ATP8B2: variants seen among roughly 807,000 people sequenced by gnomAD.
The protein encoded by ATP8B2 is ATPase phospholipid transporting 8B2, also known as phospholipid-transporting ATPase ID.
In ATP8B2, 70 loss-of-function variants were observed where a neutral mutation model predicts 133.4. That is an observed-to-expected ratio of 0.52 (90% CI 0.43 to 0.64). ATP8B2 has a LOEUF of 0.64. Among genes scored for constraint, ATP8B2 ranks in the 30% least tolerant of loss-of-function variants. The pLI, the probability that ATP8B2 is intolerant of heterozygous loss-of-function variation, is 0.00. For missense variants in ATP8B2, 1,101 were observed against 1,535.7 expected, an observed-to-expected ratio of 0.72 and a Z score of 4.73; for synonymous variants, 517 against 589.5, an observed-to-expected ratio of 0.88 and a Z score of 1.78.
intron 11 of ATP8B2, among the ~76,000 whole-genome samples, chr1:154,335,603 G>C (rs1686150909): frequency 6.6e-6 from 1 of 152,014 alleles, no homozygotes; most frequent in Admixed American, 6.5e-5. Context: ...GAGGCGGGGG[G>C]ATTGCTTGGC....
chr1:154,345,219 C>G lies in ATP8B2; in HGVS notation c.2470+65C>G, dbSNP rs761721623. 4 of 1,601,362 alleles carry G rather than the reference C, an allele frequency of 2.5e-6. No individual in the cohort carries two copies. In the Admixed American group the frequency reaches 6.8e-5, roughly 27 times the overall value. On this transcript the variant is annotated intron_variant, in intron 22 of 27. Transcript: ENST00000368489. The surrounding 1 kb of genome is among the most constrained non-coding windows in gnomAD (Gnocchi z 5.6). ...GCTGGGGAGGGGCCCACTGAGGTCT[C>G]TGGACTGCAGAAGAATGACGGGAAG...
At chr1:154,332,569 A>T in intron 8 of ATP8B2, 49 bp from the exon 9 acceptor site, 2 of 1,447,280 alleles carry the variant, frequency 1.4e-6, no homozygotes, top group Non-Finnish European at 1.9e-6. Flanking sequence ...GAAAAAAAAC[A>T]TTTAGAGGAT....
At chr1:154,347,213 G>A (rs11809740) in intron 26 of ATP8B2, among the ~76,000 whole-genome samples, 35,402 of 152,076 alleles carry the variant, frequency 0.23, 4,258 homozygotes, top group Non-Finnish European at 0.25. Context: ...CTGAATAAAG[G>A]GAAAGGGAGC....
intron 8 of ATP8B2, 68 bp from the exon 9 acceptor site, chr1:154,332,550 C>T (rs2149162199): frequency 1.6e-6 from 2 of 1,276,196 alleles, no homozygotes; most frequent in Non-Finnish European, 2.2e-6. Flanking sequence ...AGAGCGAGAC[C>T]CCATCTGTGA....
In ATP8B2 at chr1:154,348,556, C is replaced by T. The variant is rs1299724300; in HGVS notation, c.3294+18C>T. On this transcript the variant is annotated intron_variant, in intron 27 of 27. Coordinates refer to ENST00000368489, the MANE Select transcript of ATP8B2 (RefSeq NM_001370597.1). ...CCGACACGGTGAGAAGCCAGGCTAC[C>T]TGCTGTGGGAGGCAGAGATGGGGTG... The T allele has an allele frequency of 6.2e-7, 1 of 1,612,018 alleles. No homozygotes were observed. Among genetic ancestry groups the T allele is most frequent in the South Asian group, 1.1e-5 (1 of 90,998 alleles).
In ATP8B2 at chr1:154,332,034, A is replaced by G. The variant is rs1686012681; in HGVS notation, c.509+10A>G. On this transcript the variant is annotated intron_variant, in intron 8 of 27. Transcript: ENST00000368489. ...CAGCAGAACTTGATGGGTAAGTGGC[A>G]TGCTCAGTGTCAGCCCTCTCCTTCT... 5.6e-6 allele frequency: 9 copies of G among 1,610,834 alleles called. No individual in the cohort carries two copies. The highest frequency in any genetic ancestry group is 7.6e-6 in the Non-Finnish European group (9 of 1,177,078).
chr1:154,345,755 A>G lies in ATP8B2; in HGVS notation c.2695-45A>G. The G allele has an allele frequency of 6.5e-7, 1 of 1,532,404 alleles. No individual in the cohort carries two copies. The highest frequency in any genetic ancestry group is 1.1e-5 in the South Asian group (1 of 89,196). 94.9% of individuals were successfully genotyped at this position (1,532,404 alleles called of 1,614,324 possible). ...AGCTGTCTTCCTGTGCCTGATGTGT[A>G]GCAAAGAAAGGTTGCATGCTCCCTT... On this transcript the variant is annotated intron_variant, in intron 23 of 27. Transcript: ENST00000368489. The surrounding 1 kb of genome is among the most constrained non-coding windows in gnomAD (Gnocchi z 5.6).
Position 154,340,818 on chromosome 1 carries a change from T to TCCCGACC in ATP8B2, c.1035-34_1035-28dup. Reference sequence around the variant, plus strand: ...ATGTGGGTGGGGCACCTCCTCTTCTTCCCGACCCAAGCCTCACCTCTTGTC... The same window carrying TCCCGACC: ...ATGTGGGTGGGGCACCTCCTCTTCTTCCCGACCCCCGACCCAAGCCTCACCTCTTGTC... On this transcript the variant is annotated intron_variant, in intron 12 of 27. Transcript: ENST00000368489. This position sits in a 1 kb window ranked among gnomAD's most constrained non-coding sequence, Gnocchi z 4.0. The TCCCGACC allele has an allele frequency of 6.2e-7, 1 of 1,606,396 alleles. No individual in the cohort carries two copies. Among genetic ancestry groups the TCCCGACC allele is most frequent in the Non-Finnish European group, 8.5e-7 (1 of 1,173,836 alleles).
At chr1:154,335,737 A>T (rs1053630249) in intron 11 of ATP8B2, among the ~76,000 whole-genome samples, 2 of 98,416 alleles carry the variant, frequency 2.0e-5, no homozygotes, top group African/African-American at 4.1e-5. Context: ...TCCCAAGTTT[A>T]AAAAAAAAAA....
intron 11 of ATP8B2, among the ~76,000 whole-genome samples, chr1:154,336,041 C>CAAA (rs34783907): frequency 1.0e-5 from 1 of 96,586 alleles, no homozygotes; most frequent in Non-Finnish European, 2.2e-5. Context: ...GGCTCCATCT[C>CAAA]AAAAAAAAAA....
chr1:154,333,030 G>T (rs931319929), intron 9 of ATP8B2, among the ~76,000 whole-genome samples: 10 of 152,108 alleles, frequency 6.6e-5, no homozygotes, highest in Non-Finnish European at 8.8e-5. Context: ...GTGAATAGAG[G>T]TCGGTACCAT....
chr1:154,329,377 G>A (rs1685905689), intron 2 of ATP8B2, among the ~76,000 whole-genome samples: 1 of 152,182 alleles, frequency 6.6e-6, no homozygotes, highest in East Asian at 1.9e-4. Flanking sequence ...GTCCTGGGGT[G>A]TGTAGAAAGG....
In ATP8B2 at chr1:154,328,795, G is replaced by C. The variant is rs1558267033; in HGVS notation, c.31+623G>C. ...CATGGGGGGCGGCGGCGGCGGCGCA[G>C]CTGAGCTCGCGGTGTCCCCGAGCGC... is the stretch of plus-strand genomic sequence containing the variant. On this transcript the variant is annotated intron_variant, in intron 2 of 27. Coordinates refer to ENST00000368489, the MANE Select transcript of ATP8B2 (RefSeq NM_001370597.1). This position sits in a 1 kb window ranked among gnomAD's most constrained non-coding sequence, Gnocchi z 4.6. The C allele has an allele frequency of 9.9e-7, 1 of 1,014,644 alleles. No individual in the cohort carries two copies. The highest frequency in any genetic ancestry group is 1.2e-6 in the Non-Finnish European group (1 of 850,590). The allele number at this position is 1,014,644 out of a possible 1,614,324, so 62.9% of individuals were successfully genotyped here. A position where few individuals can be genotyped will look rare whatever the true frequency, so the allele number is the denominator to read the frequency against.
intron 12 of ATP8B2, chr1:154,338,834 A>T (rs151310652): frequency 1.3e-5 from 2 of 152,362 alleles, no homozygotes; most frequent in African/African-American, 4.8e-5. Flanking sequence ...GCATTCTAAA[A>T]AAAAACTAAA....
chr1:154,340,084 G>A lies in ATP8B2; in HGVS notation c.1035-770G>A, dbSNP rs1686326423. Among the ~76,000 whole-genome samples the A allele has an allele frequency of 1.3e-5, 2 of 152,182 alleles. No homozygotes were observed. Among genetic ancestry groups the A allele is most frequent in the South Asian group, 2.1e-4 (1 of 4,834 alleles). On this transcript the variant is annotated intron_variant, in intron 12 of 27. Transcript: ENST00000368489. The surrounding 1 kb of genome is among the most constrained non-coding windows in gnomAD (Gnocchi z 4.0). ...AGTCCCAGCTACTAGGGAGGCTGAG[G>A]TGGGAGGATTGCTTGAGCCCAGGAG...
At position 154,333,819 on chromosome 1, in the gene ATP8B2, G is replaced by A. The variant is rs527603972; in HGVS notation, c.590-288G>A. Among the ~76,000 whole-genome samples, 3 of 149,196 alleles carry A rather than the reference G, an allele frequency of 2.0e-5. No homozygotes were observed. In the East Asian group the frequency reaches 6.1e-4, roughly 30 times the overall value. ...CCGGCTAATTTTTGTATTTTTAGTA[G>A]AGACAGGGTTTCACCATGTTGGCCA... On this transcript the variant is annotated intron_variant, in intron 9 of 27. Coordinates refer to ENST00000368489, the MANE Select transcript of ATP8B2 (RefSeq NM_001370597.1).
chr1:154,331,411 A>G lies in ATP8B2; in HGVS notation c.304-33A>G. On this transcript the variant is annotated intron_variant, in intron 5 of 27. Transcript: ENST00000368489. This position sits in a 1 kb window ranked among gnomAD's most constrained non-coding sequence, Gnocchi z 4.8. Reference sequence around the variant, plus strand: ...CAACGAATTCCTTCGAGGCGGGGGAAGGTGTCTTACCTTTCAGTTTTCTTC... The same window carrying G: ...CAACGAATTCCTTCGAGGCGGGGGAGGGTGTCTTACCTTTCAGTTTTCTTC... 1.2e-6 allele frequency: 2 copies of G among 1,606,680 alleles called. No homozygotes were observed. The highest frequency in any genetic ancestry group is 2.2e-5 in the East Asian group (1 of 44,852).
At position 154,331,328 on chromosome 1, in the gene ATP8B2, C is replaced by T. The variant is rs2149161113; in HGVS notation, c.304-116C>T. 1 of 1,224,840 alleles carries T rather than the reference C, an allele frequency of 8.2e-7. No homozygotes were observed. The allele number at this position is 1,224,840 out of a possible 1,614,324, so 75.9% of individuals were successfully genotyped here. On this transcript the variant is annotated intron_variant, in intron 5 of 27. Coordinates refer to ENST00000368489, the MANE Select transcript of ATP8B2 (RefSeq NM_001370597.1). This position sits in a 1 kb window ranked among gnomAD's most constrained non-coding sequence, Gnocchi z 4.8. The stretch of plus-strand genomic sequence containing the variant: ...TGGGGAGAGGGAATCAGGGAGTGAA[C>T]TGGTTTGTGATGGGGTGTGTATGAG...
chr1:154,330,096 G>A (rs1170722878), intron 2 of ATP8B2, among the ~76,000 whole-genome samples: 2 of 152,222 alleles, frequency 1.3e-5, no homozygotes, highest in Non-Finnish European at 2.9e-5. Context: ...AGGACTGTCA[G>A]TGGCTCAGAT....
Sources: allele counts gnomAD v4.1 joint callset (sites outside exome capture counted in the v4.1 genomes callset), GRCh38; gene constraint gnomAD v4.1.1; non-coding constraint Gnocchi (gnomAD v3.1); transcripts MANE v1.5; gene names NCBI Gene and HGNC (gene_info 2026-07-23, HGNC 2026-07-21).